Variants in LRP1B observed in about 807,000 individuals in gnomAD.
LRP1B encodes low-density lipoprotein receptor-related protein 1B.
Under a neutral mutation model 556.6 loss-of-function variants are expected in LRP1B, and 217 were observed. The ratio of observed to expected loss-of-function variants is 0.39; its 90% CI spans 0.35 to 0.44. The LOEUF is 0.44. LRP1B is among the 20% of genes least tolerant of loss of function. The probability of loss-of-function intolerance (pLI) is 1.00; values close to 1 mark genes in which losing one functional copy is unlikely to be tolerated. For synonymous variants in LRP1B, 2,047 were observed against 1,865.8 expected (o/e 1.10, Z -2.50); for missense variants, 5,053 against 5,620.8 (o/e 0.90, Z 3.23).
intron 2 of LRP1B, among the ~76,000 whole-genome samples, chr2:141,673,770 T>C (rs564280133): frequency 6.6e-6 from 1 of 152,224 alleles, no homozygotes; most frequent in African/African-American, 2.4e-5. Context: ...TCTAATGTAG[T>C]GCCATAGATC....
chr2:140,438,727 A>T (rs1686297916), intron 66 of LRP1B, among the ~76,000 whole-genome samples: 1 of 152,232 alleles, frequency 6.6e-6, no homozygotes, highest in Non-Finnish European at 1.5e-5. Flanking sequence ...ACAGCAGGTT[A>T]TAAACTGAGA....
chr2:140,691,524 G>T (rs1350542556), intron 41 of LRP1B, among the ~76,000 whole-genome samples: 3 of 150,820 alleles, frequency 2.0e-5, no homozygotes, highest in African/African-American at 7.3e-5. Flanking sequence ...TTGCTATCAG[G>T]AGTCTTGAAA....
At chr2:141,192,624 T>C (rs1371373726) in intron 6 of LRP1B, among the ~76,000 whole-genome samples, 1 of 151,922 alleles carries the variant, frequency 6.6e-6, no homozygotes, top group Non-Finnish European at 1.5e-5. Flanking sequence ...GTCACCTGGA[T>C]TTTGCTCTCA....
intron 1 of LRP1B, among the ~76,000 whole-genome samples, chr2:141,828,543 G>A (rs1393674374): frequency 2.6e-5 from 4 of 152,146 alleles, no homozygotes; most frequent in African/African-American, 7.2e-5. Context: ...TCTCAAGCGA[G>A]CTGACTCAGG....
intron 76 of LRP1B, 104 bp downstream of exon 76, chr2:140,352,849 A>G (rs1336014379): frequency 1.8e-6 from 2 of 1,116,470 alleles, no homozygotes; most frequent in African/African-American, 1.6e-5. Context: ...AAAGTATTTT[A>G]TCAGAAATGA....
chr2:141,496,319 G>A (rs1295979054), intron 2 of LRP1B, among the ~76,000 whole-genome samples: 1 of 151,774 alleles, frequency 6.6e-6, no homozygotes, highest in Non-Finnish European at 1.5e-5. Flanking sequence ...GAATCACCTA[G>A]AGGTCTTAAA....
chr2:141,103,573 A>G (rs192091270), intron 7 of LRP1B, among the ~76,000 whole-genome samples: 57 of 126,468 alleles, frequency 4.5e-4, no homozygotes, highest in Non-Finnish European at 3.4e-5. Context: ...AAGAGGTAAA[A>G]TTTTTCCATA....
chr2:140,814,804 C>T (rs937698284), intron 31 of LRP1B, among the ~76,000 whole-genome samples: 29 of 152,036 alleles, frequency 1.9e-4, no homozygotes, highest in Non-Finnish European at 3.4e-4. Context: ...CTAATCTCGA[C>T]CTGGCACAGT....
intron 35 of LRP1B, among the ~76,000 whole-genome samples, chr2:140,719,709 C>G (rs943726083): frequency 6.6e-6 from 1 of 152,010 alleles, no homozygotes; most frequent in Non-Finnish European, 1.5e-5. Context: ...ACCATGAGAT[C>G]ACAGCATTGA....
At chr2:140,548,286 G>T (rs920245013) in intron 43 of LRP1B, among the ~76,000 whole-genome samples, 3 of 152,152 alleles carry the variant, frequency 2.0e-5, no homozygotes, top group Non-Finnish European at 4.4e-5. Context: ...AACAGCAAAT[G>T]TATCAAGCTT....
intron 35 of LRP1B, among the ~76,000 whole-genome samples, chr2:140,743,196 T>A (rs1428202005): frequency 6.6e-6 from 1 of 152,174 alleles, no homozygotes; most frequent in Non-Finnish European, 1.5e-5. Flanking sequence ...TAACAAAGTG[T>A]TTCACTATAT....
intron 1 of LRP1B, among the ~76,000 whole-genome samples, chr2:141,949,893 A>G (rs1321877836): frequency 2.0e-5 from 3 of 152,256 alleles, no homozygotes; most frequent in East Asian, 1.9e-4. Flanking sequence ...TTATTTTTCA[A>G]CCCTTTAAAA....
intron 2 of LRP1B, among the ~76,000 whole-genome samples, chr2:141,605,661 G>T (rs1196653477): frequency 6.6e-6 from 1 of 152,194 alleles, no homozygotes; most frequent in East Asian, 1.9e-4. Flanking sequence ...CACAGGTAAA[G>T]GCCAAGCACA....
At chr2:140,341,215 C>T (rs991742261) in intron 77 of LRP1B, among the ~76,000 whole-genome samples, 6 of 151,526 alleles carry the variant, frequency 4.0e-5, no homozygotes, top group African/African-American at 1.2e-4. Context: ...TGTGCACACA[C>T]GTGCTAGGTA....
At chr2:140,542,075 T>A in intron 43 of LRP1B, 104 bp from the exon 44 acceptor site, 2 of 673,222 alleles carry the variant, frequency 3.0e-6, no homozygotes, top group African/African-American at 1.8e-5. Context: ...TAGTTGGATT[T>A]AATTAACAGA....
At position 140,258,950 on chromosome 2, in the gene LRP1B, A is replaced by G. The variant is rs1681814499; in HGVS notation, c.13247+11292T>C. Among the ~76,000 whole-genome samples, 3 of 152,242 alleles carry G rather than the reference A, an allele frequency of 2.0e-5. No homozygotes were observed. In the South Asian group the frequency reaches 6.2e-4, roughly 32 times the overall value. On this transcript the variant is annotated intron_variant, in intron 86 of 90. Transcript: ENST00000389484. ...CTATGGGAACTTTTTCTATCAGATG[A>G]CTATGTCATTAAGACTTTTCTAAGA...
intron 2 of LRP1B, among the ~76,000 whole-genome samples, chr2:141,788,745 G>T (rs1234367620): frequency 7.2e-6 from 1 of 139,538 alleles, no homozygotes. Flanking sequence ...GTGTCCATGT[G>T]TTCTCACTGT....
At chr2:141,471,363 T>TAAC (rs1006465804) in intron 3 of LRP1B, among the ~76,000 whole-genome samples, 2 of 151,576 alleles carry the variant, frequency 1.3e-5, no homozygotes, top group African/African-American at 4.9e-5. Context: ...TATTCTAATG[T>TAAC]AACTCCTCTT....
chr2:141,584,509 A>AG (rs1004572195), intron 2 of LRP1B, among the ~76,000 whole-genome samples: 2 of 152,184 alleles, frequency 1.3e-5, no homozygotes, highest in African/African-American at 4.8e-5. Flanking sequence ...CATAATTTAA[A>AG]GGGGGAAATG....
Sources: allele counts gnomAD v4.1 joint callset (sites outside exome capture counted in the v4.1 genomes callset), GRCh38; gene constraint gnomAD v4.1.1; transcripts MANE v1.5; gene names NCBI Gene and HGNC (gene_info 2026-07-23, HGNC 2026-07-21).